TMEFF1: variants seen among roughly 807,000 people sequenced by gnomAD.
TMEFF1 encodes transmembrane protein with EGF like and two follistatin like domains 1.
A neutral mutation model predicts 47.5 loss-of-function variants in TMEFF1; 20 were observed. The ratio of observed to expected loss-of-function variants is 0.42; its 90% CI spans 0.30 to 0.61. The LOEUF (loss-of-function observed/expected upper bound fraction) is 0.61. TMEFF1 is among the 20% of genes least tolerant of loss of function. The pLI, the probability that TMEFF1 is intolerant of heterozygous loss-of-function variation, is 0.19. For missense variants in TMEFF1, 411 were observed against 471.1 expected, an observed-to-expected ratio of 0.87 and a Z score of 1.18; for synonymous variants, 162 against 166.3, an observed-to-expected ratio of 0.97 and a Z score of 0.20.
At chr9:100,549,337 G>A (rs957304397) in intron 6 of TMEFF1, among the ~76,000 whole-genome samples, 7 of 152,114 alleles carry the variant, frequency 4.6e-5, no homozygotes, top group South Asian at 2.1e-4. Flanking sequence ...TGAGAACAGC[G>A]AGAGGGAAAT....
At chr9:100,507,107 A>G (rs748941873) in intron 2 of TMEFF1, among the ~76,000 whole-genome samples, 24 of 152,280 alleles carry the variant, frequency 1.6e-4, no homozygotes, top group Non-Finnish European at 2.9e-4. Flanking sequence ...AACACTAATG[A>G]GAGCATGAGG....
intron 7 of TMEFF1, 33 bp from the exon 8 acceptor site, chr9:100,561,364 A>G: frequency 4.4e-6 from 7 of 1,595,118 alleles, no homozygotes; most frequent in East Asian, 2.2e-5. Context: ...CTTGCGTTTC[A>G]TTGTTGAACG....
At chr9:100,500,890 C>G (rs898419302) in intron 2 of TMEFF1, among the ~76,000 whole-genome samples, 1 of 152,150 alleles carries the variant, frequency 6.6e-6, no homozygotes, top group Admixed American at 6.5e-5. Context: ...GCAGATTCTG[C>G]CTTACTTGTG....
chr9:100,527,084 A>G (rs1014187892), intron 5 of TMEFF1, among the ~76,000 whole-genome samples: 2 of 151,376 alleles, frequency 1.3e-5, no homozygotes, highest in Non-Finnish European at 2.9e-5. Context: ...CGGAGGTTGC[A>G]GTGAGCCAAA....
chr9:100,567,860 G>A (rs974167770), intron 8 of TMEFF1, among the ~76,000 whole-genome samples: 5 of 152,182 alleles, frequency 3.3e-5, no homozygotes, highest in Admixed American at 2.0e-4. Context: ...ACAGTTCCAC[G>A]TGGCTGGGGA....
chr9:100,570,584 A>G (rs1181822402), intron 8 of TMEFF1, among the ~76,000 whole-genome samples: 3 of 152,060 alleles, frequency 2.0e-5, no homozygotes, highest in Non-Finnish European at 4.4e-5. Flanking sequence ...CCAATTGACC[A>G]TAGATGTATG....
intron 8 of TMEFF1, among the ~76,000 whole-genome samples, chr9:100,564,841 A>C (rs979905509): frequency 6.6e-6 from 1 of 152,252 alleles, no homozygotes; most frequent in Admixed American, 6.5e-5. Context: ...TGTGAGGCTG[A>C]GAAAATAAAT....
At chr9:100,489,551 G>A (rs770138626) in intron 1 of TMEFF1, among the ~76,000 whole-genome samples, 6 of 152,240 alleles carry the variant, frequency 3.9e-5, no homozygotes, top group Admixed American at 2.0e-4. Context: ...GATTTTAAAA[G>A]TAATACAAGT....
At chr9:100,514,856 G>A (rs1372127406) in intron 4 of TMEFF1, among the ~76,000 whole-genome samples, 2 of 152,168 alleles carry the variant, frequency 1.3e-5, no homozygotes, top group East Asian at 1.9e-4. Context: ...TTAGCCAGGC[G>A]TGGTGGTGGG....
At chr9:100,569,472 T>C (rs1469891941) in intron 8 of TMEFF1, among the ~76,000 whole-genome samples, 3 of 152,076 alleles carry the variant, frequency 2.0e-5, no homozygotes, top group East Asian at 1.9e-4. Context: ...ACTTTTTTTT[T>C]CCATTTTGTG....
Position 100,576,940 on chromosome 9 carries a change from C to A in TMEFF1, c.*340C>A. 5.7e-6 allele frequency: 1 copy of A among 174,872 alleles called. No individual in the cohort carries two copies. 10.8% of individuals were successfully genotyped at this position (174,872 alleles called of 1,614,324 possible). A position where few individuals can be genotyped will look rare whatever the true frequency, so the allele number is the denominator to read the frequency against. On this transcript the variant is annotated 3_prime_UTR_variant, in exon 10 of 10. Transcript: ENST00000374879. ...TTCCACAATGACCACAGCAAATGAC[C>A]AAGCATGAACTAAAGGTAAAGATGT...
chr9:100,544,783 A>G (rs1220145980), intron 5 of TMEFF1, among the ~76,000 whole-genome samples: 7 of 152,262 alleles, frequency 4.6e-5, no homozygotes, highest in Non-Finnish European at 8.8e-5. Context: ...GTTACTTCCT[A>G]GATACAAAGG....
chr9:100,557,100 A>G (rs1212916044), intron 7 of TMEFF1, among the ~76,000 whole-genome samples: 1 of 150,708 alleles, frequency 6.6e-6, no homozygotes, highest in African/African-American at 2.4e-5. Flanking sequence ...GTATGCTGGT[A>G]TCCAATTAAT....
rs972519275 is a variant in TMEFF1, at chr9:100,484,777, C to T, written c.196+11037C>T. ...TGATCTTGGCGCCCTGCAACCTCCG[C>T]CTCCCCGGTTCAAGAGATTCTCATA... On this transcript the variant is annotated intron_variant, in intron 1 of 9. Transcript: ENST00000374879. Among the ~76,000 whole-genome samples, 5 of 151,796 alleles carry T rather than the reference C, an allele frequency of 3.3e-5. No individual in the cohort carries two copies. The East Asian group carries it at 5.8e-4, about 18-fold the overall frequency.
chr9:100,487,769 CT>C (rs36068037), intron 1 of TMEFF1, among the ~76,000 whole-genome samples: 6,943 of 144,954 alleles, frequency 0.048, 321 homozygotes, highest in South Asian at 0.23. Context: ...TATTATACTC[CT>C]TTTTTTTTTT....
chr9:100,495,500 G>C (rs988430329), intron 1 of TMEFF1, among the ~76,000 whole-genome samples: 6 of 152,036 alleles, frequency 3.9e-5, no homozygotes, highest in Non-Finnish European at 5.9e-5. Context: ...CTTAATTATA[G>C]ACTGTATTGA....
At chr9:100,498,260 T>G (rs1317224388) in intron 1 of TMEFF1, among the ~76,000 whole-genome samples, 2 of 152,168 alleles carry the variant, frequency 1.3e-5, no homozygotes, top group African/African-American at 4.8e-5. Flanking sequence ...AAATTCAGAT[T>G]CACTGTTCTT....
intron 2 of TMEFF1, among the ~76,000 whole-genome samples, chr9:100,505,810 A>G (rs971354403): frequency 1.3e-5 from 2 of 152,234 alleles, no homozygotes; most frequent in African/African-American, 4.8e-5. Flanking sequence ...GAAAGTAAGC[A>G]TTTGTTGAGG....
intron 5 of TMEFF1, among the ~76,000 whole-genome samples, chr9:100,516,981 C>T (rs1218038159): frequency 6.6e-6 from 1 of 151,744 alleles, no homozygotes; most frequent in Non-Finnish European, 1.5e-5. Flanking sequence ...AATGATAATC[C>T]ATTTATAGTT....
Sources: gnomAD v4.1 joint callset for allele counts (sites outside exome capture counted in the v4.1 genomes callset) on GRCh38, gnomAD v4.1.1 for gene constraint, MANE v1.5 for transcripts, NCBI Gene and HGNC (gene_info 2026-07-23, HGNC 2026-07-21) for gene names.